Variants in SLFN12L observed in about 807,000 individuals in gnomAD.
SLFN12L encodes the protein schlafen family member 12-like.
Under a neutral mutation model 34.8 loss-of-function variants are expected in SLFN12L, and 34 were observed. That is an observed-to-expected ratio of 0.98 (90% confidence interval 0.74 to 1.30). The LOEUF (loss-of-function observed/expected upper bound fraction) is 1.30. Among genes scored for constraint, SLFN12L ranks in the 50% most tolerant of loss-of-function variants. SLFN12L has a pLI of 0.00. For missense variants in SLFN12L, 703 were observed against 696.2 expected (o/e 1.01, Z -0.11); for synonymous variants, 259 against 247.5 (o/e 1.05, Z -0.44).
rs1198502706 is a variant in SLFN12L, at chr17:35,465,304, C to A, written c.*9619G>T. Among the ~76,000 whole-genome samples, 1 of 151,956 alleles carries A rather than the reference C, an allele frequency of 6.6e-6. No homozygotes were observed. Among genetic ancestry groups the A allele is most frequent in the African/African-American group, 2.4e-5 (1 of 41,338 alleles). On this transcript the variant is annotated 3_prime_UTR_variant, in exon 5 of 5. Coordinates refer to ENST00000628453, the MANE Select transcript of SLFN12L (RefSeq NM_001363830.2). The stretch of plus-strand genomic sequence containing the variant: ...GTTCCAACAAATTTAAACATTGTAC[C>A]CCATATAATTTTAAAAGGTAGCTAA...
chr17:35,475,520 T>G (rs1913961613), intron 4 of SLFN12L, 35 bp from the exon 5 acceptor site: 1 of 1,511,548 alleles, frequency 6.6e-7, no homozygotes. Context: ...TATAAAAGAC[T>G]GAGAACTTCC....
intron 2 of SLFN12L, among the ~76,000 whole-genome samples, chr17:35,509,380 G>T (rs938385165): frequency 1.3e-5 from 2 of 152,142 alleles, no homozygotes; most frequent in African/African-American, 4.8e-5. Context: ...GCAGATGCTC[G>T]CCAGCCTCTG....
chr17:35,504,565 T>G (rs780847173), intron 2 of SLFN12L, among the ~76,000 whole-genome samples: 3 of 152,210 alleles, frequency 2.0e-5, no homozygotes, highest in Non-Finnish European at 4.4e-5. Flanking sequence ...CCCTTTCCAC[T>G]GGGGTGGTCC....
In SLFN12L at chr17:35,479,306, T is replaced by G; in HGVS notation, c.976A>C (p.Asn326His). 6.3e-7 allele frequency: 1 copy of G among 1,587,164 alleles called. No individual in the cohort carries two copies. The highest frequency in any genetic ancestry group is 8.6e-7 in the Non-Finnish European group (1 of 1,165,136). ...ACTCCAAGGAATTTGCATAAGTAATTTATCGTCCCCTTCTCCACACAGAAG... is the reference window on the plus strand; with the variant it reads ...ACTCCAAGGAATTTGCATAAGTAATGTATCGTCCCCTTCTCCACACAGAAG... ...HHFCVEKGTI[N>H]YLCKFLGVYD... Residue 326 changes from asparagine (N) to histidine (H), a missense_variant, in exon 3 of 5, where the codon AAT becomes CAT. By Grantham distance (68) the Asn-to-His change is moderately conservative. Transcript: ENST00000628453.
chr17:35,521,700 A>G (rs986419), intron 2 of SLFN12L, among the ~76,000 whole-genome samples: 140,421 of 152,224 alleles, frequency 0.92, 64,850 homozygotes, highest in East Asian at 1. Context: ...GAGCTACATA[A>G]TTGTTTTTAC....
intron 2 of SLFN12L, chr17:35,490,175 C>T: frequency 6.2e-7 from 1 of 1,605,716 alleles, no homozygotes; most frequent in Non-Finnish European, 8.5e-7. Flanking sequence ...CGGGCTGCTG[C>T]AGCCACCAGC....
intron 2 of SLFN12L, among the ~76,000 whole-genome samples, chr17:35,505,140 T>C (rs1332900176): frequency 6.6e-6 from 1 of 152,192 alleles, no homozygotes; most frequent in Non-Finnish European, 1.5e-5. Flanking sequence ...TGACAGTTAA[T>C]AAAAATGTAG....
intron 2 of SLFN12L, among the ~76,000 whole-genome samples, chr17:35,497,323 G>A (rs915208523): frequency 1.3e-5 from 2 of 151,974 alleles, no homozygotes; most frequent in Admixed American, 1.3e-4. Flanking sequence ...CCCGGGAGGC[G>A]GAGGTTGCAG....
At position 35,531,403 on chromosome 17, in the gene SLFN12L, C is replaced by T. The variant is rs188841143; in HGVS notation, c.-606+6170G>A. On this transcript the variant is annotated intron_variant, in intron 1 of 4. Transcript: ENST00000628453. ...TCTTACTCATATGTCTGATACGTGC[C>T]TTGTAATAAAGCTTACAACTGTCTT... Among the ~76,000 whole-genome samples, 16 of 152,260 alleles carry T rather than the reference C, an allele frequency of 1.1e-4. No individual in the cohort carries two copies. The East Asian group carries it at 2.9e-3, about 28-fold the overall frequency.
At chr17:35,475,596 A>T in intron 4 of SLFN12L, 111 bp from the exon 5 acceptor site, 1 of 1,434,968 alleles carries the variant, frequency 7.0e-7, no homozygotes, top group South Asian at 1.5e-5. Context: ...CAACTATAAA[A>T]GCTATGTAAA....
intron 2 of SLFN12L, among the ~76,000 whole-genome samples, chr17:35,505,289 G>A (rs8071661): frequency 0.49 from 73,735 of 151,966 alleles, 19,894 homozygotes; most frequent in African/African-American, 0.73. Flanking sequence ...AGAAAAAAAA[G>A]TGGCAGATGG....
chr17:35,480,017 C>G lies in SLFN12L; in HGVS notation c.265G>C (p.Ala89Pro), dbSNP rs904732015. 6.2e-7 allele frequency: 1 copy of G among 1,614,184 alleles called. No individual in the cohort carries two copies. The highest frequency in any genetic ancestry group is 1.7e-5 in the Admixed American group (1 of 60,032). Residue 89 changes from alanine to proline, a missense_variant, in exon 3 of 5, where the codon GCT becomes CCT. By Grantham distance (27) the Ala-to-Pro change is conservative. Coordinates refer to ENST00000628453, the MANE Select transcript of SLFN12L (RefSeq NM_001363830.2). ...CCAGAATTCAGCAGAGCACACACAG[C>G]TCGTGAGACATTTTCATTCTGCTGT... ...RKQQNENVSR[A>P]VCALLNSGGG...
chr17:35,530,513 A>AAAAAGAAAGAAAGAAAGAAAG (rs1567694642), intron 1 of SLFN12L, among the ~76,000 whole-genome samples: 1 of 32,576 alleles, frequency 3.1e-5, no homozygotes, highest in African/African-American at 1.1e-4. Context: ...AGAAAGAAAG[A>AAAAAGAAAGAAAGAAAGAAAG]AAAGAAAAGA....
intron 4 of SLFN12L, among the ~76,000 whole-genome samples, chr17:35,475,746 C>A (rs34646901): frequency 0.2 from 29,751 of 151,502 alleles, 3,307 homozygotes; most frequent in Middle Eastern, 0.31. Flanking sequence ...AAAAAGGTTA[C>A]AAAGTTAGCC....
At chr17:35,525,794 C>A (rs2072328800) in intron 1 of SLFN12L, among the ~76,000 whole-genome samples, 1 of 151,662 alleles carries the variant, frequency 6.6e-6, no homozygotes, top group Non-Finnish European at 1.5e-5. Flanking sequence ...ATGAAGAAAC[C>A]ATCAACTATG....
chr17:35,506,006 C>G (rs1027533341), intron 2 of SLFN12L, among the ~76,000 whole-genome samples: 1 of 152,124 alleles, frequency 6.6e-6, no homozygotes, highest in Admixed American at 6.5e-5. Flanking sequence ...GTAAAAAGAA[C>G]TTGTTTGTAT....
rs1914187244 is a variant in SLFN12L, at chr17:35,479,368, ACTT to A, written c.911_913del (p.Glu304del). ...CAGTTTCCCAATGGAATTTTTTGTT[ACTT>A]CTTCTAACTTAGTAAGATAACTCTT... On this transcript the variant is annotated inframe_deletion, in exon 3 of 5. Coordinates refer to ENST00000628453, the MANE Select transcript of SLFN12L (RefSeq NM_001363830.2). 6.3e-7 allele frequency: 1 copy of A among 1,598,070 alleles called. No individual in the cohort carries two copies. Among genetic ancestry groups the A allele is most frequent in the Non-Finnish European group, 8.5e-7 (1 of 1,170,924 alleles).
At chr17:35,496,739 G>C (rs1915097618) in intron 2 of SLFN12L, among the ~76,000 whole-genome samples, 1 of 152,128 alleles carries the variant, frequency 6.6e-6, no homozygotes, top group Admixed American at 6.6e-5. Flanking sequence ...CCCTTTGCAG[G>C]TGTATGAAAG....
chr17:35,475,051 G>A lies in SLFN12L; in HGVS notation c.1711C>T (p.Gln571Ter). Residue 571 changes from glutamine to a stop codon, truncating the protein, a stop_gained, in exon 5 of 5, where the codon CAA (glutamine) becomes TAA (stop). Coordinates refer to ENST00000628453, the MANE Select transcript of SLFN12L (RefSeq NM_001363830.2). LOFTEE classifies it low-confidence loss of function (END_TRUNC). ...YPESYYWTTAQTMKDLEKALS... is the reference protein window; with the variant it reads ...YPESYYWTTA ...GCCTTTTCCAAGTCTTTCATTGTTTGAGCTGTTGTCCAATAGTAGGATTCA... is the reference window on the plus strand; with the variant it reads ...GCCTTTTCCAAGTCTTTCATTGTTTAAGCTGTTGTCCAATAGTAGGATTCA... 6.2e-7 allele frequency: 1 copy of A among 1,612,662 alleles called. No individual in the cohort carries two copies. Among genetic ancestry groups the A allele is most frequent in the South Asian group, 1.1e-5 (1 of 90,934 alleles).
Sources: gnomAD v4.1 joint callset for allele counts (sites outside exome capture counted in the v4.1 genomes callset) on GRCh38, gnomAD v4.1.1 for gene constraint, MANE v1.5 for transcripts, NCBI Gene and HGNC (gene_info 2026-07-23, HGNC 2026-07-21) for gene names.